Variants in PAFAH1B2 observed in about 807,000 individuals in gnomAD.
PAFAH1B2 encodes platelet activating factor acetylhydrolase 1b catalytic subunit 2, also known as platelet-activating factor acetylhydrolase IB subunit alpha2.
PAFAH1B2 carries 8 observed loss-of-function variants against 28.0 expected under a neutral mutation model. That is an observed-to-expected ratio of 0.29 (90% CI 0.17 to 0.52). The LOEUF (loss-of-function observed/expected upper bound fraction) is 0.52. PAFAH1B2 is among the 20% of genes least tolerant of loss of function. The pLI, the probability that PAFAH1B2 is intolerant of heterozygous loss-of-function variation, is 0.97. For synonymous variants in PAFAH1B2, 104 were observed against 103.2 expected, an observed-to-expected ratio of 1.01 and a Z score of -0.05; for missense variants, 190 against 282.6, an observed-to-expected ratio of 0.67 and a Z score of 2.35.
chr11:117,165,999 C>T (rs951754739), intron 5 of PAFAH1B2, among the ~76,000 whole-genome samples: 9 of 151,998 alleles, frequency 5.9e-5, no homozygotes, highest in South Asian at 2.1e-4. Flanking sequence ...CCACCATGCC[C>T]GGCTAATTTT....
At position 117,152,811 on chromosome 11, in the gene PAFAH1B2, G is replaced by A. The variant is rs551791878; in HGVS notation, c.81+283G>A. On this transcript the variant is annotated intron_variant, in intron 2 of 5. Transcript: ENST00000527958. The stretch of plus-strand genomic sequence containing the variant: ...CTCTAGGCTGGGCATGGTGGCTCAC[G>A]CCTATAATCCCAACACTTGGGGAGG... Among the ~76,000 whole-genome samples, 4 of 152,314 alleles carry A rather than the reference G, an allele frequency of 2.6e-5. No individual in the cohort carries two copies. The East Asian group carries it at 5.8e-4, about 22-fold the overall frequency.
rs1956441138 is a variant in PAFAH1B2, at chr11:117,164,093, C to T, written c.411+201C>T. ...TACCAGCTGTGGGGCCATCTTTTAT[C>T]CACGCATCCTTGTTTAGAAGTATGG... On this transcript the variant is annotated intron_variant, in intron 5 of 5. Coordinates refer to ENST00000527958, the MANE Select transcript of PAFAH1B2 (RefSeq NM_002572.4). The T allele has an allele frequency of 1.6e-5, 8 of 507,936 alleles. 1 individual carries two copies. The highest frequency in any genetic ancestry group is 1.5e-4 in the South Asian group (6 of 39,552). The allele number at this position is 507,936 out of a possible 1,614,324, so 31.5% of individuals were successfully genotyped here.
At chr11:117,178,021 T>A (rs1270966356), downstream of PAFAH1B2, among the ~76,000 whole-genome samples, 1 of 151,744 alleles carries the variant, frequency 6.6e-6, no homozygotes, top group Non-Finnish European at 1.5e-5. Context: ...TGCCCAGGTA[T>A]TTTTATCTGT....
downstream of PAFAH1B2, among the ~76,000 whole-genome samples, chr11:117,174,611 C>G (rs1024406264): frequency 6.6e-6 from 1 of 152,030 alleles, no homozygotes. Context: ...CCGAAGTAGC[C>G]GGGATCATAA....
downstream of PAFAH1B2, among the ~76,000 whole-genome samples, chr11:117,177,066 G>A (rs1034971508): frequency 6.6e-6 from 1 of 151,866 alleles, no homozygotes; most frequent in Non-Finnish European, 1.5e-5. Context: ...AAATTAGCTG[G>A]GCGTGGTGGC....
At chr11:117,155,189 AG>A (rs1388569112) in intron 2 of PAFAH1B2, among the ~76,000 whole-genome samples, 1 of 152,078 alleles carries the variant, frequency 6.6e-6, no homozygotes, top group Non-Finnish European at 1.5e-5. Context: ...TCCTGACCTC[AG>A]GTGATCCACG....
At chr11:117,152,607 A>G in intron 2 of PAFAH1B2, 79 bp downstream of exon 2, 2 of 1,007,130 alleles carry the variant, frequency 2.0e-6, no homozygotes, top group South Asian at 2.6e-5. Flanking sequence ...TTTTTGAGAC[A>G]AGGTCTCACT....
rs1956572518 is a variant in PAFAH1B2 at position 117,168,487 on chromosome 11, T to G, written c.*788T>G. The G allele has an allele frequency of 4.4e-6, 4 of 904,392 alleles. No homozygotes were observed. Among genetic ancestry groups the G allele is most frequent in the Non-Finnish European group, 5.3e-6 (4 of 761,746 alleles). 56.0% of individuals were successfully genotyped at this position (904,392 alleles called of 1,614,324 possible). A position where few individuals can be genotyped will look rare whatever the true frequency, so the allele number is the denominator to read the frequency against. On this transcript the variant is annotated 3_prime_UTR_variant, in exon 6 of 6. Coordinates refer to ENST00000527958, the MANE Select transcript of PAFAH1B2 (RefSeq NM_002572.4). ...TTTTTTTTTTGGTTCTTGTTGACAT[T>G]ACAAGCTTTTAACACATTTTTGACC...
intron 2 of PAFAH1B2, among the ~76,000 whole-genome samples, chr11:117,158,448 C>G (rs964127757): frequency 6.6e-5 from 10 of 152,172 alleles, no homozygotes; most frequent in African/African-American, 2.4e-4. Flanking sequence ...AGGATTGAGT[C>G]CTAGTTTGCC....
intron 5 of PAFAH1B2, among the ~76,000 whole-genome samples, chr11:117,164,951 C>CT (rs1224066542): frequency 2.1e-5 from 2 of 96,340 alleles, no homozygotes; most frequent in Non-Finnish European, 5.3e-5. Flanking sequence ...CAGATAATTT[C>CT]TTTTTTCTTT....
intron 4 of PAFAH1B2, among the ~76,000 whole-genome samples, chr11:117,161,902 G>T (rs752554502): frequency 4.6e-5 from 7 of 152,132 alleles, no homozygotes; most frequent in Non-Finnish European, 1.0e-4. Flanking sequence ...GGTGGGCCAT[G>T]GGAGCAGGGC....
chr11:117,174,697 C>G (rs112971413), downstream of PAFAH1B2, among the ~76,000 whole-genome samples: 740 of 152,232 alleles, frequency 4.9e-3, 7 homozygotes, highest in Middle Eastern at 0.017. Flanking sequence ...AGGCTGGGCT[C>G]GAATTCCTGA....
At chr11:117,153,715 A>G (rs1207106806) in intron 2 of PAFAH1B2, among the ~76,000 whole-genome samples, 3 of 151,950 alleles carry the variant, frequency 2.0e-5, no homozygotes, top group Non-Finnish European at 4.4e-5. Context: ...TTCTATATGT[A>G]TATACTAACG....
intron 1 of PAFAH1B2, among the ~76,000 whole-genome samples, chr11:117,144,837 G>A (rs1955958063): frequency 6.6e-6 from 1 of 152,048 alleles, no homozygotes; most frequent in African/African-American, 2.4e-5. Flanking sequence ...CTCCTGCCCG[G>A]GTCTCCGCTG....
chr11:117,149,639 A>G (rs1018534511), intron 1 of PAFAH1B2, among the ~76,000 whole-genome samples: 4 of 147,994 alleles, frequency 2.7e-5, no homozygotes, highest in Middle Eastern at 3.6e-3. Context: ...TCACCATGTT[A>G]GCCAGGATGG....
chr11:117,156,063 C>T (rs2134186419), intron 2 of PAFAH1B2, among the ~76,000 whole-genome samples: 1 of 152,220 alleles, frequency 6.6e-6, no homozygotes, highest in South Asian at 2.1e-4. Flanking sequence ...GTGGTGTGTG[C>T]CTGTAGTCCC....
At chr11:117,145,043 G>A (rs925945209) in intron 1 of PAFAH1B2, among the ~76,000 whole-genome samples, 3 of 152,124 alleles carry the variant, frequency 2.0e-5, no homozygotes, top group African/African-American at 4.8e-5. Flanking sequence ...TGCATAGACC[G>A]TCACCACTCG....
At chr11:117,171,793 T>TTGGCAGCTAAAA, downstream of PAFAH1B2, 2 of 1,409,822 alleles carry the variant, frequency 1.4e-6, no homozygotes, top group African/African-American at 1.4e-5. Context: ...TAAAAGTTTC[T>TTGGCAGCTAAAA]GTGATCTTTG....
At chr11:117,175,412 T>C, downstream of PAFAH1B2, 1 of 1,071,322 alleles carries the variant, frequency 9.3e-7, no homozygotes, top group Admixed American at 5.3e-5. Context: ...AGGAAAGTTC[T>C]GCAGACCTGG....
Sources: gnomAD v4.1 joint callset for allele counts (sites outside exome capture counted in the v4.1 genomes callset) on GRCh38, gnomAD v4.1.1 for gene constraint, MANE v1.5 for transcripts, NCBI Gene and HGNC (gene_info 2026-07-23, HGNC 2026-07-21) for gene names.